Variants in GPR158 observed in about 807,000 individuals in gnomAD.
The protein encoded by GPR158 is metabotropic glycine receptor.
Under a neutral mutation model 78.2 loss-of-function variants are expected in GPR158, and 30 were observed. That is an observed-to-expected ratio of 0.38 (90% CI 0.29 to 0.52). The LOEUF is 0.52. Among genes scored for constraint, GPR158 ranks in the 20% least tolerant of loss-of-function variants. The pLI is 0.83. For synonymous variants in GPR158, 581 were observed against 591.1 expected (o/e 0.98, Z 0.25); for missense variants, 1,463 against 1,523.5 (o/e 0.96, Z 0.66).
chr10:25,387,889 T>A (rs911904842), intron 2 of GPR158, among the ~76,000 whole-genome samples: 7 of 152,198 alleles, frequency 4.6e-5, no homozygotes, highest in African/African-American at 1.4e-4. Context: ...GAATTCTCCA[T>A]TGAAGACATC....
chr10:25,572,703 C>A lies in GPR158; in HGVS notation c.1569C>A (p.Gly523=), dbSNP rs56928458. The A allele has an allele frequency of 6.2e-7, 1 of 1,613,778 alleles. No individual in the cohort carries two copies. Among genetic ancestry groups the A allele is most frequent in the Admixed American group, 1.7e-5 (1 of 59,996 alleles). ...RTAQRIPYMT[G]GRVMRMLAVI... Reference sequence around the variant, plus strand: ...CTCAACGAATTCCATATATGACTGGCGGACGGGTCATGAGGATGCTGGCAG... The same window carrying A: ...CTCAACGAATTCCATATATGACTGGAGGACGGGTCATGAGGATGCTGGCAG... The change falls in exon 7 of 11, where the codon GGC becomes GGA. Residue 523 remains glycine, a synonymous_variant. Coordinates refer to ENST00000376351, the MANE Select transcript of GPR158 (RefSeq NM_020752.3).
chr10:25,469,208 A>G (rs1835461655), intron 5 of GPR158, among the ~76,000 whole-genome samples: 1 of 152,136 alleles, frequency 6.6e-6, no homozygotes, highest in African/African-American at 2.4e-5. Context: ...TCTAGCCTCA[A>G]AGTTTAAGTA....
At chr10:25,242,580 T>C (rs571552520) in intron 2 of GPR158, among the ~76,000 whole-genome samples, 1 of 152,356 alleles carries the variant, frequency 6.6e-6, no homozygotes, top group East Asian at 1.9e-4. Flanking sequence ...TGTGGGTGAC[T>C]TTTGGATAAG....
intron 5 of GPR158, among the ~76,000 whole-genome samples, chr10:25,513,603 T>C (rs1327933277): frequency 6.6e-6 from 1 of 152,088 alleles, no homozygotes; most frequent in Non-Finnish European, 1.5e-5. Flanking sequence ...CTGTGAGGTG[T>C]GACCTAAAAT....
chr10:25,507,590 T>C (rs1486319848), intron 5 of GPR158, among the ~76,000 whole-genome samples: 2 of 152,240 alleles, frequency 1.3e-5, no homozygotes, highest in Non-Finnish European at 2.9e-5. Context: ...TATAGCATTC[T>C]TAAAAGCCAA....
intron 2 of GPR158, among the ~76,000 whole-genome samples, chr10:25,365,138 C>T (rs990980535): frequency 1.3e-5 from 2 of 151,630 alleles, no homozygotes; most frequent in African/African-American, 4.8e-5. Flanking sequence ...TATATACATC[C>T]TGTAAATCTT....
chr10:25,359,879 C>T (rs532963768), intron 2 of GPR158, among the ~76,000 whole-genome samples: 62 of 152,346 alleles, frequency 4.1e-4, no homozygotes, highest in Middle Eastern at 3.4e-3. Context: ...CTCCCACCAA[C>T]AGTGTAAAAG....
intron 5 of GPR158, among the ~76,000 whole-genome samples, chr10:25,541,210 T>G: frequency 6.6e-6 from 1 of 151,922 alleles, no homozygotes; most frequent in Non-Finnish European, 1.5e-5. Flanking sequence ...CTATTACTAG[T>G]GAGGACTTGC....
chr10:25,321,374 A>C (rs887627231), intron 2 of GPR158, among the ~76,000 whole-genome samples: 1 of 152,198 alleles, frequency 6.6e-6, no homozygotes, highest in African/African-American at 2.4e-5. Context: ...CTTAAGTAAC[A>C]AATTAATGTC....
At chr10:25,433,572 C>CGCGCGCGCGCGT (rs1834948670) in intron 4 of GPR158, among the ~76,000 whole-genome samples, 1 of 98,998 alleles carries the variant, frequency 1.0e-5, no homozygotes, top group Non-Finnish European at 2.4e-5. Flanking sequence ...TGTGTGTGTG[C>CGCGCGCGCGCGT]GCGCGCGCGT....
intron 4 of GPR158, among the ~76,000 whole-genome samples, chr10:25,426,858 A>G (rs940094845): frequency 6.6e-6 from 1 of 152,104 alleles, no homozygotes; most frequent in African/African-American, 2.4e-5. Context: ...TTTATAAACA[A>G]TGCAGTATCT....
At chr10:25,465,795 A>G (rs1835413509) in intron 4 of GPR158, among the ~76,000 whole-genome samples, 3 of 152,230 alleles carry the variant, frequency 2.0e-5, no homozygotes, top group South Asian at 4.1e-4. Flanking sequence ...AATGGCATTC[A>G]GTATGCACTG....
At chr10:25,218,326 A>C (rs548892366) in intron 1 of GPR158, among the ~76,000 whole-genome samples, 17 of 152,082 alleles carry the variant, frequency 1.1e-4, no homozygotes, top group Non-Finnish European at 1.9e-4. Context: ...GTCTGCGGTG[A>C]CTTTTTAGTT....
intron 2 of GPR158, among the ~76,000 whole-genome samples, chr10:25,291,884 T>A (rs112388462): frequency 0.018 from 2,691 of 152,198 alleles, 75 homozygotes; most frequent in African/African-American, 0.061. Flanking sequence ...TCATTATAAA[T>A]TCCATTATCG....
intron 4 of GPR158, among the ~76,000 whole-genome samples, chr10:25,449,428 A>T (rs950573855): frequency 2.0e-5 from 3 of 152,214 alleles, no homozygotes; most frequent in African/African-American, 7.2e-5. Context: ...TCTGCTAAGG[A>T]AGTGATTCTT....
chr10:25,266,097 A>G (rs2130738059), intron 2 of GPR158, among the ~76,000 whole-genome samples: 1 of 151,130 alleles, frequency 6.6e-6, no homozygotes, highest in South Asian at 2.1e-4. Flanking sequence ...TCCAACCTCC[A>G]CTCTTCTCCT....
At chr10:25,558,741 C>T (rs542610761) in intron 6 of GPR158, among the ~76,000 whole-genome samples, 1 of 152,308 alleles carries the variant, frequency 6.6e-6, no homozygotes, top group East Asian at 1.9e-4. Flanking sequence ...CTTGATTTAT[C>T]TTTGACCCAT....
intron 1 of GPR158, among the ~76,000 whole-genome samples, chr10:25,216,039 A>G (rs1853208056): frequency 6.6e-6 from 1 of 152,148 alleles, no homozygotes. Context: ...CATTTTCTTC[A>G]TTGTCCTTCA....
At chr10:25,504,275 T>A (rs546143746) in intron 5 of GPR158, among the ~76,000 whole-genome samples, 24 of 152,326 alleles carry the variant, frequency 1.6e-4, no homozygotes, top group African/African-American at 5.8e-4. Context: ...ATTTGTTGAA[T>A]AAATGAGTGA....
Sources: allele counts gnomAD v4.1 joint callset (sites outside exome capture counted in the v4.1 genomes callset), GRCh38; gene constraint gnomAD v4.1.1; transcripts MANE v1.5; gene names NCBI Gene and HGNC (gene_info 2026-07-23, HGNC 2026-07-21).